BORCS5: variants seen among roughly 807,000 people sequenced by gnomAD.
The protein encoded by BORCS5 is BLOC-1-related complex subunit 5.
Under a neutral mutation model 22.1 loss-of-function variants are expected in BORCS5, and 17 were observed. The observed-to-expected ratio is 0.77, with a 90% CI of 0.53 to 1.15. The LOEUF (loss-of-function observed/expected upper bound fraction) is 1.15, where lower values mean the gene tolerates loss of function less well. Among genes scored for constraint, BORCS5 ranks in the 50% most tolerant of loss-of-function variants. The pLI is 0.00. For missense variants in BORCS5, 247 were observed against 253.2 expected, an observed-to-expected ratio of 0.98 and a Z score of 0.17; for synonymous variants, 117 against 99.8, an observed-to-expected ratio of 1.17 and a Z score of -1.03.
At chr12:12,358,893 C>G (rs1255572702) in intron 1 of BORCS5, among the ~76,000 whole-genome samples, 1 of 152,130 alleles carries the variant, frequency 6.6e-6, no homozygotes, top group Non-Finnish European at 1.5e-5. Context: ...GAAATAAAAG[C>G]AGCAGAGATT....
At chr12:12,456,474 T>C (rs1372353859) in intron 3 of BORCS5, among the ~76,000 whole-genome samples, 1 of 152,220 alleles carries the variant, frequency 6.6e-6, no homozygotes, top group African/African-American at 2.4e-5. Flanking sequence ...ATGACCCATC[T>C]GCCTCAAACC....
At chr12:12,374,194 T>C (rs1863594795) in intron 2 of BORCS5, among the ~76,000 whole-genome samples, 1 of 151,674 alleles carries the variant, frequency 6.6e-6, no homozygotes, top group South Asian at 2.1e-4. Context: ...GGTTTCACTG[T>C]GTTAGCCAGG....
chr12:12,386,222 G>T (rs1486543809), intron 2 of BORCS5, among the ~76,000 whole-genome samples: 1 of 150,306 alleles, frequency 6.7e-6, no homozygotes, highest in Non-Finnish European at 1.5e-5. Flanking sequence ...GCTGGTCATG[G>T]ACTCCTTGCC....
intron 3 of BORCS5, among the ~76,000 whole-genome samples, chr12:12,456,329 G>GCTGA: frequency 6.6e-6 from 1 of 152,318 alleles, no homozygotes; most frequent in Non-Finnish European, 1.5e-5. Flanking sequence ...TACTCAGGAA[G>GCTGA]CTGAGATGGG....
In BORCS5 at chr12:12,399,318, G is replaced by A. The variant is rs185485652; in HGVS notation, c.203-36310G>A. 3.9e-5 allele frequency among the ~76,000 whole-genome samples: 6 copies of A among 152,234 alleles called. No homozygotes were observed. The East Asian group carries it at 1.2e-3, about 29-fold the overall frequency. On this transcript the variant is annotated intron_variant, in intron 2 of 3. Coordinates refer to ENST00000314565, the MANE Select transcript of BORCS5 (RefSeq NM_058169.6). ...TGGATGGAGGGAAGGAAAAAAAAAG[G>A]TGAATTGCAAAAGGGTTTCTTACGT...
chr12:12,402,114 GTAAATA>G (rs1208047228), intron 2 of BORCS5, among the ~76,000 whole-genome samples: 7 of 148,690 alleles, frequency 4.7e-5, no homozygotes, highest in Non-Finnish European at 8.9e-5. Flanking sequence ...ATTTCTTTTT[GTAAATA>G]TAAATATAGT....
intron 3 of BORCS5, among the ~76,000 whole-genome samples, chr12:12,456,175 T>C (rs1242384540): frequency 6.6e-6 from 1 of 152,220 alleles, no homozygotes; most frequent in African/African-American, 2.4e-5. Flanking sequence ...AGATCATGCC[T>C]GTAATCCCAA....
chr12:12,371,199 G>T (rs1863521013), intron 2 of BORCS5, among the ~76,000 whole-genome samples: 1 of 152,280 alleles, frequency 6.6e-6, no homozygotes, highest in Non-Finnish European at 1.5e-5. Context: ...TTAGTGAAGG[G>T]TCTTATTTAG....
Position 12,470,981 on chromosome 12 carries a change from C to G in BORCS5, c.*5205C>G, listed in dbSNP as rs1943290519. On this transcript the variant is annotated 3_prime_UTR_variant, in exon 4 of 4. Transcript: ENST00000314565. ...AGTTATGCGAAAAGCTTTTCTGCACCAAGTACTTTCATTCTGGTCTTTGGA... is the reference window on the plus strand; with the variant it reads ...AGTTATGCGAAAAGCTTTTCTGCACGAAGTACTTTCATTCTGGTCTTTGGA... 6.6e-6 allele frequency among the ~76,000 whole-genome samples: 1 copy of G among 152,096 alleles called. No individual in the cohort carries two copies. Among genetic ancestry groups the G allele is most frequent in the Non-Finnish European group, 1.5e-5 (1 of 68,024 alleles).
intron 2 of BORCS5, among the ~76,000 whole-genome samples, chr12:12,389,896 G>A (rs551242305): frequency 1.2e-4 from 18 of 152,008 alleles, no homozygotes; most frequent in Middle Eastern, 3.4e-3. Context: ...TTCCTGTCTC[G>A]GCCTCCCAAA....
chr12:12,390,196 A>G (rs1941136936), intron 2 of BORCS5, among the ~76,000 whole-genome samples: 1 of 152,124 alleles, frequency 6.6e-6, no homozygotes, highest in African/African-American at 2.4e-5. Context: ...GAGGGCTGCT[A>G]TGTGTTAGGC....
intron 2 of BORCS5, among the ~76,000 whole-genome samples, chr12:12,420,835 C>A (rs977152203): frequency 6.6e-6 from 1 of 152,096 alleles, no homozygotes; most frequent in Non-Finnish European, 1.5e-5. Flanking sequence ...GGAGTTCACT[C>A]ATAATTTGGC....
At chr12:12,361,129 T>C in intron 1 of BORCS5, 77 bp from the exon 2 acceptor site, 1 of 1,416,498 alleles carries the variant, frequency 7.1e-7, no homozygotes, top group Non-Finnish European at 9.9e-7. Context: ...TTCTTTTTAA[T>C]CACTACACCA....
Position 12,357,432 on chromosome 12 carries a change from C to A in BORCS5, c.-20C>A, listed in dbSNP as rs767514150. Reference sequence around the variant, plus strand: ...GACCGCCCGGCCCGCCGTTCTTCTGCTGCCACCGCTGTCGGCACCATGGGC... The same window carrying A: ...GACCGCCCGGCCCGCCGTTCTTCTGATGCCACCGCTGTCGGCACCATGGGC... On this transcript the variant is annotated 5_prime_UTR_variant, in exon 1 of 4. The change creates a new upstream start codon in the 5' untranslated region. Transcript: ENST00000314565. The A allele has an allele frequency of 3.7e-6, 6 of 1,604,240 alleles. No homozygotes were observed. The Admixed American group carries it at 8.4e-5, about 22-fold the overall frequency.
chr12:12,429,984 T>C (rs970343468), intron 2 of BORCS5, among the ~76,000 whole-genome samples: 2 of 152,092 alleles, frequency 1.3e-5, no homozygotes, highest in African/African-American at 4.8e-5. Flanking sequence ...CCTAGACTTA[T>C]GCTTTCCTTG....
Position 12,470,996 on chromosome 12 carries a change from T to G in BORCS5, c.*5220T>G, listed in dbSNP as rs1255932362. Among the ~76,000 whole-genome samples, 1 of 152,208 alleles carries G rather than the reference T, an allele frequency of 6.6e-6. No individual in the cohort carries two copies. Among genetic ancestry groups the G allele is most frequent in the African/African-American group, 2.4e-5 (1 of 41,452 alleles). ...TTTTCTGCACCAAGTACTTTCATTC[T>G]GGTCTTTGGAATTGTCATAATTCTG... is the stretch of plus-strand genomic sequence containing the variant. On this transcript the variant is annotated 3_prime_UTR_variant, in exon 4 of 4. Transcript: ENST00000314565.
intron 2 of BORCS5, among the ~76,000 whole-genome samples, chr12:12,366,295 A>G (rs1448831699): frequency 6.6e-6 from 1 of 152,208 alleles, no homozygotes; most frequent in Admixed American, 6.5e-5. Context: ...ATGTAATGCT[A>G]ATGCTGGTGG....
intron 3 of BORCS5, among the ~76,000 whole-genome samples, chr12:12,441,760 C>G (rs1463429506): frequency 6.6e-6 from 1 of 151,576 alleles, no homozygotes; most frequent in Non-Finnish European, 1.5e-5. Flanking sequence ...CCTTCAAACC[C>G]TGCAGGATTT....
chr12:12,422,341 C>T (rs918304703), intron 2 of BORCS5, among the ~76,000 whole-genome samples: 5 of 151,856 alleles, frequency 3.3e-5, no homozygotes, highest in East Asian at 3.9e-4. Flanking sequence ...AGGCCGGATG[C>T]GGTGGCTCAC....
Sources: allele counts gnomAD v4.1 joint callset (sites outside exome capture counted in the v4.1 genomes callset), GRCh38; gene constraint gnomAD v4.1.1; transcripts MANE v1.5; gene names NCBI Gene and HGNC (gene_info 2026-07-23, HGNC 2026-07-21).